Variants in MTCL2 observed in about 807,000 individuals in gnomAD.
The protein encoded by MTCL2 is microtubule cross-linking factor 2.
chr20:36,785,280 C>T, the MTCL2 span: 155 of 985,216 alleles, frequency 1.6e-4, no homozygotes, highest in Non-Finnish European at 1.8e-4. Flanking sequence ...CATGCCTGCC[C>T]GTGCTGTTAG....
the MTCL2 span, chr20:36,808,583 T>C: frequency 6.2e-7 from 1 of 1,611,408 alleles, no homozygotes; most frequent in Non-Finnish European, 8.5e-7. Flanking sequence ...CCACCTGAGC[T>C]TCATGAAGAG....
At chr20:36,833,965 C>T in the MTCL2 span, among the ~76,000 whole-genome samples, 1 of 152,062 alleles carries the variant, frequency 6.6e-6, no homozygotes, top group South Asian at 2.1e-4. Flanking sequence ...GAGTTCGAGA[C>T]CAGACCGGTC....
At chr20:36,793,762 G>A in the MTCL2 span, 1 of 1,541,408 alleles carries the variant, frequency 6.5e-7, no homozygotes, top group Non-Finnish European at 8.7e-7. The surrounding 1 kb of genome is among the most constrained non-coding windows in gnomAD (Gnocchi z 6.8). Context: ...GCTTTGGTGA[G>A]CCATACTTGG....
the MTCL2 span, among the ~76,000 whole-genome samples, chr20:36,851,251 G>C: frequency 4.6e-5 from 7 of 151,924 alleles, no homozygotes; most frequent in Non-Finnish European, 7.4e-5. Context: ...TAGTTGTACA[G>C]TATATTGTAC....
At chr20:36,860,877 G>A in the MTCL2 span, among the ~76,000 whole-genome samples, 1 of 152,172 alleles carries the variant, frequency 6.6e-6, no homozygotes, top group African/African-American at 2.4e-5. Context: ...CCCAAACGTG[G>A]GATGTCCCCA....
the MTCL2 span, chr20:36,794,671 CTGGTCCGTG>C: frequency 6.2e-7 from 1 of 1,600,416 alleles, no homozygotes; most frequent in East Asian, 2.2e-5. The surrounding 1 kb of genome is among the most constrained non-coding windows in gnomAD (Gnocchi z 5.4). Context: ...GTCTACCACC[CTGGTCCGTG>C]TGCTGCGTGA....
the MTCL2 span, chr20:36,817,343 G>A: frequency 2.2e-4 from 318 of 1,414,870 alleles, 5 homozygotes; most frequent in East Asian, 7.8e-3. Flanking sequence ...GGATCCCCAG[G>A]CCACTTAGAG....
At chr20:36,863,166 ACTGCTGAGCCCGGGCCTGGGC>A in the MTCL2 span, 1 of 1,353,594 alleles carries the variant, frequency 7.4e-7, no homozygotes, top group Admixed American at 3.0e-5. The surrounding 1 kb of genome is among the most constrained non-coding windows in gnomAD (Gnocchi z 6.2). Flanking sequence ...GCTGCAGGCG[ACTGCTGAGCCCGGGCCTGGGC>A]CGCGGCGGCC....
At chr20:36,820,767 A>C in the MTCL2 span, among the ~76,000 whole-genome samples, 1 of 151,140 alleles carries the variant, frequency 6.6e-6, no homozygotes, top group Non-Finnish European at 1.5e-5. Context: ...GGTTGAACCC[A>C]TGAGGCAGTG....
chr20:36,815,283 A>G, the MTCL2 span: 2 of 1,613,976 alleles, frequency 1.2e-6, no homozygotes, highest in South Asian at 2.2e-5. The surrounding 1 kb of genome is among the most constrained non-coding windows in gnomAD (Gnocchi z 5.3). Flanking sequence ...CTCCTGCTGC[A>G]GCACGCTCAG....
the MTCL2 span, among the ~76,000 whole-genome samples, chr20:36,855,680 G>T: frequency 2.6e-5 from 4 of 152,182 alleles, no homozygotes; most frequent in Non-Finnish European, 1.5e-5. Context: ...GCAAGACACG[G>T]GGCCTCCTCC....
chr20:36,786,692 C>A, the MTCL2 span: 1 of 1,462,294 alleles, frequency 6.8e-7, no homozygotes, highest in Non-Finnish European at 9.2e-7. Context: ...GAGACATGGA[C>A]CACCATGAGC....
chr20:36,825,257 T>C, the MTCL2 span, among the ~76,000 whole-genome samples: 1 of 152,172 alleles, frequency 6.6e-6, no homozygotes, highest in Non-Finnish European at 1.5e-5. Flanking sequence ...CTGTACACTT[T>C]TAAATGGTGA....
chr20:36,824,964 G>C, the MTCL2 span, among the ~76,000 whole-genome samples: 4 of 147,240 alleles, frequency 2.7e-5, no homozygotes, highest in Non-Finnish European at 5.9e-5. Flanking sequence ...TTTTGAGACA[G>C]AGTCTCGCTT....
the MTCL2 span, among the ~76,000 whole-genome samples, chr20:36,857,387 TTC>T: frequency 1.3e-5 from 2 of 152,150 alleles, no homozygotes; most frequent in Non-Finnish European, 2.9e-5. Context: ...GTTTGTGCAC[TTC>T]TCTGAGTGAG....
the MTCL2 span, among the ~76,000 whole-genome samples, chr20:36,823,541 T>G: frequency 6.6e-6 from 1 of 152,168 alleles, no homozygotes; most frequent in African/African-American, 2.4e-5. Context: ...GTACGATGGC[T>G]CATGCCTGTA....
the MTCL2 span, chr20:36,784,331 C>G: frequency 1.0e-6 from 1 of 986,078 alleles, no homozygotes; most frequent in Non-Finnish European, 1.2e-6. Context: ...AGGCGGCTGG[C>G]GGGACTGGCA....
the MTCL2 span, among the ~76,000 whole-genome samples, chr20:36,820,283 G>T: frequency 1.3e-5 from 2 of 152,210 alleles, no homozygotes; most frequent in Admixed American, 1.3e-4. Context: ...GGAAGGAAGT[G>T]AAGTGACAGA....
chr20:36,792,289 C>T, the MTCL2 span, among the ~76,000 whole-genome samples: 3 of 152,136 alleles, frequency 2.0e-5, no homozygotes, highest in African/African-American at 7.2e-5. Flanking sequence ...GGGCGGATCA[C>T]TTGAGGTCGG....
Sources: allele counts gnomAD v4.1 joint callset (sites outside exome capture counted in the v4.1 genomes callset), GRCh38; gene constraint gnomAD v4.1.1; non-coding constraint Gnocchi (gnomAD v3.1); transcripts MANE v1.5; gene names NCBI Gene and HGNC (gene_info 2026-07-23, HGNC 2026-07-21).